The following KCNIP4 variants were observed in gnomAD, a reference collection of about 807,000 sequenced individuals.
KCNIP4 encodes the protein potassium voltage-gated channel interacting protein 4.
KCNIP4 carries 12 observed loss-of-function variants against 34.0 expected under a neutral mutation model. That is an observed-to-expected ratio of 0.35 (90% CI 0.23 to 0.57). The LOEUF is 0.57. Ranked by LOEUF, KCNIP4 falls within the 20% of genes least tolerant of loss-of-function variation. The pLI, the probability that KCNIP4 is intolerant of heterozygous loss-of-function variation, is 0.83. For missense variants in KCNIP4, 238 were observed against 311.7 expected (o/e 0.76, Z 1.78); for synonymous variants, 124 against 102.2 (o/e 1.21, Z -1.29).
chr4:21,006,437 C>T lies in KCNIP4; in HGVS notation c.62-123728G>A, dbSNP rs929830119. On this transcript the variant is annotated intron_variant, in intron 1 of 8. Transcript: ENST00000382152. ...GTAAAAGAAGAGGACTTGCATAAGC[C>T]GTAAGATAGAAAGAAACTTGCTTTT... Among the ~76,000 whole-genome samples the T allele has an allele frequency of 4.6e-5, 7 of 152,122 alleles. No individual in the cohort carries two copies. In the East Asian group the frequency reaches 9.7e-4, roughly 21 times the overall value.
chr4:20,790,298 A>G (rs1218971652), intron 3 of KCNIP4, among the ~76,000 whole-genome samples: 2 of 152,182 alleles, frequency 1.3e-5, no homozygotes, highest in Non-Finnish European at 2.9e-5. Context: ...CAACAAATGA[A>G]TAGTGAGTGA....
intron 1 of KCNIP4, among the ~76,000 whole-genome samples, chr4:21,635,343 T>C (rs950491239): frequency 1.8e-4 from 27 of 152,310 alleles, no homozygotes; most frequent in East Asian, 1.9e-4. Flanking sequence ...TCCTTACAGA[T>C]AGCCCAGAGT....
At chr4:21,573,639 C>T (rs192716256) in intron 1 of KCNIP4, among the ~76,000 whole-genome samples, 98 of 152,166 alleles carry the variant, frequency 6.4e-4, no homozygotes, top group African/African-American at 2.2e-3. Context: ...TTCTCTAGTA[C>T]CTAAATTTAT....
intron 1 of KCNIP4, among the ~76,000 whole-genome samples, chr4:21,477,167 T>C (rs948781670): frequency 2.6e-5 from 4 of 152,220 alleles, no homozygotes; most frequent in Admixed American, 6.6e-5. Context: ...ATGTTGACCA[T>C]ATTCCCAAAG....
At chr4:21,212,897 G>A (rs938723724) in intron 1 of KCNIP4, among the ~76,000 whole-genome samples, 9 of 151,926 alleles carry the variant, frequency 5.9e-5, no homozygotes, top group African/African-American at 1.7e-4. Flanking sequence ...CTCTTGCTAT[G>A]TGTAAGGCAT....
intron 1 of KCNIP4, among the ~76,000 whole-genome samples, chr4:21,052,954 G>A (rs547713564): frequency 6.6e-6 from 1 of 151,702 alleles, no homozygotes; most frequent in South Asian, 2.1e-4. Context: ...AAGTGGAGAG[G>A]GGAGAGAGAT....
chr4:21,292,014 T>A (rs1763553998), intron 1 of KCNIP4, among the ~76,000 whole-genome samples: 1 of 152,210 alleles, frequency 6.6e-6, no homozygotes. Flanking sequence ...CGTCTATGTA[T>A]TGGAGTTTGA....
rs529892225 is a variant in KCNIP4 at position 21,543,563 on chromosome 4, T to A, written c.61+405008A>T. 1.1e-4 allele frequency among the ~76,000 whole-genome samples: 17 copies of A among 152,260 alleles called. No homozygotes were observed. The South Asian group carries it at 2.7e-3, about 24-fold the overall frequency. On this transcript the variant is annotated intron_variant, in intron 1 of 8. Coordinates refer to ENST00000382152, the MANE Select transcript of KCNIP4 (RefSeq NM_025221.6). ...AGGGACCTAATACTGTTTATGTTGT[T>A]TGCTTTGTTGTAGCTAATATGTCAG... is the stretch of plus-strand genomic sequence containing the variant.
At chr4:20,802,341 G>A (rs527899512) in intron 3 of KCNIP4, among the ~76,000 whole-genome samples, 1 of 150,122 alleles carries the variant, frequency 6.7e-6, no homozygotes, top group Admixed American at 6.7e-5. Flanking sequence ...CTCCAACATT[G>A]GAACACCTGA....
Position 21,570,710 on chromosome 4 carries a change from T to G in KCNIP4, c.61+377861A>C, listed in dbSNP as rs531165643. On this transcript the variant is annotated intron_variant, in intron 1 of 8. Transcript: ENST00000382152. ...CAGAGGGTTTATAGAATAGATTCAC[T>G]TTTCCTAATAGTCAAAGTTATTATT... is the stretch of plus-strand genomic sequence containing the variant. 3.3e-5 allele frequency among the ~76,000 whole-genome samples: 5 copies of G among 152,254 alleles called. No homozygotes were observed. In the South Asian group the frequency reaches 1.0e-3, roughly 32 times the overall value.
chr4:20,900,550 A>C (rs1256407409), intron 1 of KCNIP4, among the ~76,000 whole-genome samples: 1 of 152,176 alleles, frequency 6.6e-6, no homozygotes, highest in Non-Finnish European at 1.5e-5. Context: ...GACTTTTTCA[A>C]GATTCCCAAA....
intron 1 of KCNIP4, among the ~76,000 whole-genome samples, chr4:21,356,196 A>C (rs1718575037): frequency 6.6e-6 from 1 of 152,170 alleles, no homozygotes; most frequent in African/African-American, 2.4e-5. Context: ...TATTTATGAC[A>C]AACCCACAGC....
At chr4:21,061,889 C>G (rs1743957245) in intron 1 of KCNIP4, among the ~76,000 whole-genome samples, 1 of 152,026 alleles carries the variant, frequency 6.6e-6, no homozygotes, top group South Asian at 2.1e-4. Flanking sequence ...GAGATTAGAA[C>G]AAAAACAACA....
intron 1 of KCNIP4, among the ~76,000 whole-genome samples, chr4:21,214,129 A>T (rs1049295994): frequency 1.3e-5 from 2 of 152,206 alleles, no homozygotes; most frequent in African/African-American, 4.8e-5. Context: ...GCCATTTAGC[A>T]CTGTGTCTGG....
chr4:21,844,908 T>C (rs115430949), intron 1 of KCNIP4: 1 of 151,182 alleles, frequency 6.6e-6, no homozygotes, highest in Non-Finnish European at 1.5e-5. Context: ...AAACCAAGGC[T>C]GAGAAAGGTT....
chr4:21,791,979 T>C (rs7442181), intron 1 of KCNIP4, among the ~76,000 whole-genome samples: 135,450 of 138,346 alleles, frequency 0.98, 66,367 homozygotes, highest in East Asian at 1. Context: ...TCCAGCCTGG[T>C]GACAGAATGA....
intron 1 of KCNIP4, among the ~76,000 whole-genome samples, chr4:21,001,477 G>A (rs965318845): frequency 1.3e-4 from 20 of 152,176 alleles, no homozygotes; most frequent in Admixed American, 9.8e-4. Flanking sequence ...TGAACTGGGC[G>A]AGGCTGAATT....
intron 1 of KCNIP4, among the ~76,000 whole-genome samples, chr4:21,880,504 C>A (rs1726400118): frequency 6.6e-6 from 1 of 152,134 alleles, no homozygotes; most frequent in African/African-American, 2.4e-5. Flanking sequence ...TTTATATTTT[C>A]ATCATTAAAA....
rs574891221 is a variant in KCNIP4, at chr4:20,781,507, G to A, written c.289-22617C>T. On this transcript the variant is annotated intron_variant, in intron 3 of 8. Coordinates refer to ENST00000382152, the MANE Select transcript of KCNIP4 (RefSeq NM_025221.6). Reference sequence around the variant, plus strand: ...GGACGTACAGTTCCACATGGCTGGGGAGGCCTCAGAATCATGGCAGGAGGC... The same window carrying A: ...GGACGTACAGTTCCACATGGCTGGGAAGGCCTCAGAATCATGGCAGGAGGC... 1.1e-4 allele frequency among the ~76,000 whole-genome samples: 17 copies of A among 152,302 alleles called. No homozygotes were observed. In the East Asian group the frequency reaches 2.9e-3, roughly 26 times the overall value.
Sources: allele counts gnomAD v4.1 joint callset (sites outside exome capture counted in the v4.1 genomes callset), GRCh38; gene constraint gnomAD v4.1.1; transcripts MANE v1.5; gene names NCBI Gene and HGNC (gene_info 2026-07-23, HGNC 2026-07-21).